OSBPL8: variants seen among roughly 807,000 people sequenced by gnomAD.
OSBPL8 encodes oxysterol-binding protein-related protein 8.
A neutral mutation model predicts 125.5 loss-of-function variants in OSBPL8; 59 were observed. That is an observed-to-expected ratio of 0.47 (90% CI 0.38 to 0.58). OSBPL8 has a LOEUF of 0.58. Among genes scored for constraint, OSBPL8 ranks in the 20% least tolerant of loss-of-function variants. The pLI, the probability that OSBPL8 is intolerant of heterozygous loss-of-function variation, is 0.00. For synonymous variants in OSBPL8, 330 were observed against 338.9 expected (o/e 0.97, Z 0.29); for missense variants, 758 against 1,047.8 (o/e 0.72, Z 3.82).
At chr12:76,402,182 T>C (rs941109495) in intron 6 of OSBPL8, among the ~76,000 whole-genome samples, 1 of 152,196 alleles carries the variant, frequency 6.6e-6, no homozygotes, top group Non-Finnish European at 1.5e-5. Flanking sequence ...TTGGAAAGCA[T>C]GTGTTTCTTA....
chr12:76,480,581 A>G (rs1009402958), intron 2 of OSBPL8, among the ~76,000 whole-genome samples: 1 of 152,256 alleles, frequency 6.6e-6, no homozygotes, highest in Non-Finnish European at 1.5e-5. Context: ...TGAGAAAATA[A>G]GAATGTAAGT....
intron 1 of OSBPL8, among the ~76,000 whole-genome samples, chr12:76,513,674 CCTT>C (rs1206961917): frequency 6.6e-6 from 1 of 150,538 alleles, no homozygotes; most frequent in Non-Finnish European, 1.5e-5. Context: ...CTAGTAATGC[CCTT>C]CTTTTTTTTT....
intron 19 of OSBPL8, 86 bp downstream of exon 19, chr12:76,371,362 G>A (rs1039781095): frequency 5.1e-6 from 7 of 1,371,180 alleles, no homozygotes; most frequent in African/African-American, 4.3e-5. Flanking sequence ...AGATATGACA[G>A]AAGGTGACAA....
intron 1 of OSBPL8, among the ~76,000 whole-genome samples, chr12:76,557,748 T>A (rs1951152169): frequency 6.6e-6 from 1 of 152,204 alleles, no homozygotes; most frequent in African/African-American, 2.4e-5. Context: ...TTTCTAAGGC[T>A]TCCAATTTTT....
chr12:76,441,536 A>C (rs1227710520), intron 4 of OSBPL8, among the ~76,000 whole-genome samples: 1 of 152,158 alleles, frequency 6.6e-6, no homozygotes, highest in Non-Finnish European at 1.5e-5. Context: ...TAAAACTTTT[A>C]CCACTCTTGC....
At chr12:76,455,628 C>A (rs1169284145) in intron 3 of OSBPL8, among the ~76,000 whole-genome samples, 1 of 151,976 alleles carries the variant, frequency 6.6e-6, no homozygotes, top group Non-Finnish European at 1.5e-5. Context: ...ACCTCTTTAC[C>A]AAAAAAACCA....
chr12:76,405,097 T>C (rs1201690553), intron 5 of OSBPL8, among the ~76,000 whole-genome samples: 6 of 152,178 alleles, frequency 3.9e-5, no homozygotes, highest in Admixed American at 3.3e-4. Context: ...TATCTCACTA[T>C]ATTAATTTCT....
intron 1 of OSBPL8, among the ~76,000 whole-genome samples, chr12:76,499,349 T>C (rs1009481797): frequency 9.7e-6 from 1 of 102,924 alleles, no homozygotes; most frequent in Non-Finnish European, 2.1e-5. Flanking sequence ...TATCTATCTA[T>C]CATCTATCTA....
intron 1 of OSBPL8, among the ~76,000 whole-genome samples, chr12:76,511,141 G>C (rs945392807): frequency 2.0e-5 from 3 of 152,122 alleles, no homozygotes; most frequent in African/African-American, 7.2e-5. Context: ...AAAACATTTA[G>C]GCAGATTAGG....
At chr12:76,534,796 G>A (rs372396828) in intron 1 of OSBPL8, among the ~76,000 whole-genome samples, 17 of 152,174 alleles carry the variant, frequency 1.1e-4, no homozygotes, top group African/African-American at 3.9e-4. Context: ...TGTGGTACTA[G>A]CATACCGCAC....
chr12:76,449,682 G>A (rs1304902123), intron 4 of OSBPL8, among the ~76,000 whole-genome samples: 1 of 152,192 alleles, frequency 6.6e-6, no homozygotes, highest in Non-Finnish European at 1.5e-5. Flanking sequence ...AACAGAATGA[G>A]AAGCATACAT....
intron 4 of OSBPL8, among the ~76,000 whole-genome samples, chr12:76,438,256 G>A (rs1871736113): frequency 6.6e-6 from 1 of 150,998 alleles, no homozygotes; most frequent in Non-Finnish European, 1.5e-5. Flanking sequence ...AAAGTGCTGG[G>A]ATTACAGGCA....
intron 22 of OSBPL8, among the ~76,000 whole-genome samples, chr12:76,358,175 C>CTTTTT (rs60714321): frequency 1.5e-4 from 15 of 100,176 alleles, no homozygotes; most frequent in African/African-American, 3.0e-4. Flanking sequence ...GAGTGTGGTT[C>CTTTTT]TTTTTTTTTT....
At chr12:76,413,205 A>G (rs1212270204) in intron 4 of OSBPL8, among the ~76,000 whole-genome samples, 1 of 152,208 alleles carries the variant, frequency 6.6e-6, no homozygotes, top group Non-Finnish European at 1.5e-5. Flanking sequence ...ACAACCTCCC[A>G]AATCAAGAAA....
At chr12:76,453,204 C>T (rs972561881) in intron 3 of OSBPL8, among the ~76,000 whole-genome samples, 1 of 152,130 alleles carries the variant, frequency 6.6e-6, no homozygotes, top group African/African-American at 2.4e-5. Context: ...TGGTAAACTT[C>T]CTGCCCTATT....
At chr12:76,514,276 C>T (rs1881310114) in intron 1 of OSBPL8, among the ~76,000 whole-genome samples, 1 of 150,836 alleles carries the variant, frequency 6.6e-6, no homozygotes, top group Non-Finnish European at 1.5e-5. Flanking sequence ...TCCCAAGTAG[C>T]TGGGGCTACA....
chr12:76,493,259 A>G (rs1208924013), intron 1 of OSBPL8, among the ~76,000 whole-genome samples: 2 of 152,180 alleles, frequency 1.3e-5, no homozygotes, highest in African/African-American at 2.4e-5. Context: ...ACCAATCAAA[A>G]TTTGCTTCAC....
At chr12:76,397,516 A>G (rs2136330542) in intron 8 of OSBPL8, among the ~76,000 whole-genome samples, 178 bp downstream of exon 8, 1 of 152,334 alleles carries the variant, frequency 6.6e-6, no homozygotes, top group South Asian at 2.1e-4. Context: ...CCTCAAAGGT[A>G]AAGCTTTTTG....
intron 5 of OSBPL8, among the ~76,000 whole-genome samples, chr12:76,406,984 A>C (rs1954288282): frequency 1.3e-5 from 2 of 152,186 alleles, no homozygotes; most frequent in Admixed American, 6.5e-5. Flanking sequence ...TCAATCATGA[A>C]TTTTAAGAAA....
Sources: gnomAD v4.1 joint callset for allele counts (sites outside exome capture counted in the v4.1 genomes callset) on GRCh38, gnomAD v4.1.1 for gene constraint, MANE v1.5 for transcripts, NCBI Gene and HGNC (gene_info 2026-07-23, HGNC 2026-07-21) for gene names.